Variants in ZFYVE28 observed in about 807,000 individuals in gnomAD.
ZFYVE28 encodes lateral signaling target protein 2 homolog.
In ZFYVE28, 40 loss-of-function variants were observed where a neutral mutation model predicts 82.1. That is an observed-to-expected ratio of 0.49 (90% confidence interval 0.38 to 0.63). The LOEUF (loss-of-function observed/expected upper bound fraction) is 0.63, where lower values mean the gene tolerates loss of function less well. Among genes scored for constraint, ZFYVE28 ranks in the 30% least tolerant of loss-of-function variants. The pLI is 0.00. For missense variants in ZFYVE28, 1,321 were observed against 1,242.1 expected (o/e 1.06, Z -0.96); for synonymous variants, 612 against 546.1 (o/e 1.12, Z -1.68).
Position 2,401,825 on chromosome 4 carries a change from G to C in ZFYVE28, c.39+16460C>G, listed in dbSNP as rs534947779. 5.9e-5 allele frequency among the ~76,000 whole-genome samples: 9 copies of C among 152,322 alleles called. No individual in the cohort carries two copies. In the East Asian group the frequency reaches 1.7e-3, roughly 29 times the overall value. ...AGCAGCAAAACCCTCGGGGGTCCCA[G>C]TGGTAGCGGGGGTCCCGGCCCAAGA... On this transcript the variant is annotated intron_variant, in intron 1 of 12. Transcript: ENST00000290974.
rs1343253080 is a variant in ZFYVE28, at chr4:2,337,466, G to A, written c.552C>T (p.Ser184=). The change falls in exon 5 of 13, where the codon TCC becomes TCT. Residue 184 remains serine (S), a synonymous_variant. Transcript: ENST00000290974. ...CCTGCTGCACGTAGTACTCCCTGGG[G>A]GACTTCACAGGCACCATGGCCGAGA... is the stretch of plus-strand genomic sequence containing the variant. ...SYVSAMVPVK[S]PREYYVQQEV... The A allele has an allele frequency of 6.2e-7, 1 of 1,610,018 alleles. No individual in the cohort carries two copies.
intron 1 of ZFYVE28, among the ~76,000 whole-genome samples, chr4:2,400,855 G>GTTAAA (rs1298732013): frequency 6.6e-6 from 1 of 152,082 alleles, no homozygotes; most frequent in Non-Finnish European, 1.5e-5. Flanking sequence ...TAACTCAAAT[G>GTTAAA]TTAACATCCT....
Position 2,274,230 on chromosome 4 carries a change from G to A in ZFYVE28, c.2052-14C>T, listed in dbSNP as rs1736190381. 1.2e-6 allele frequency: 2 copies of A among 1,609,206 alleles called. No individual in the cohort carries two copies. Among genetic ancestry groups the A allele is most frequent in the African/African-American group, 2.7e-5 (2 of 74,852 alleles). On this transcript the variant is annotated splice_polypyrimidine_tract_variant and intron_variant, in intron 8 of 12. Transcript: ENST00000290974. ...GCTGTGGAGCTGCTGCATGGAGAAGGAGATACCGGTGTGTGGGGTGGGGCA... is the reference window on the plus strand; with the variant it reads ...GCTGTGGAGCTGCTGCATGGAGAAGAAGATACCGGTGTGTGGGGTGGGGCA...
intron 8 of ZFYVE28, among the ~76,000 whole-genome samples, chr4:2,290,676 C>G (rs1293820590): frequency 1.3e-5 from 2 of 152,182 alleles, no homozygotes; most frequent in Non-Finnish European, 2.9e-5. Context: ...CTGGGACGGC[C>G]TCACCCCTCT....
intron 1 of ZFYVE28, among the ~76,000 whole-genome samples, chr4:2,413,405 C>T (rs1732720748): frequency 6.6e-6 from 1 of 152,222 alleles, no homozygotes; most frequent in Non-Finnish European, 1.5e-5. Context: ...GGGGGAGCCC[C>T]AGAGCCTTCT....
intron 10 of ZFYVE28, among the ~76,000 whole-genome samples, chr4:2,272,888 G>A (rs1172737246): frequency 6.6e-6 from 1 of 152,238 alleles, no homozygotes; most frequent in East Asian, 1.9e-4. Flanking sequence ...CACAAGCCAT[G>A]GGCCCTGGCC....
At chr4:2,385,970 C>T (rs115499714) in intron 1 of ZFYVE28, among the ~76,000 whole-genome samples, 55 of 152,330 alleles carry the variant, frequency 3.6e-4, no homozygotes, top group Non-Finnish European at 7.3e-4. Flanking sequence ...TCGCTCTCAT[C>T]CCAGGGCAGA....
chr4:2,296,248 CA>C (rs1395267406), intron 8 of ZFYVE28, among the ~76,000 whole-genome samples: 7 of 152,198 alleles, frequency 4.6e-5, no homozygotes, highest in African/African-American at 1.7e-4. Flanking sequence ...GGCCACCACT[CA>C]GGGCCTTGCA....
chr4:2,306,502 G>A (rs959114628), intron 7 of ZFYVE28, among the ~76,000 whole-genome samples: 1 of 152,174 alleles, frequency 6.6e-6, no homozygotes, highest in African/African-American at 2.4e-5. Context: ...CTTCTCTGAG[G>A]AAATGGGAAT....
intron 1 of ZFYVE28, among the ~76,000 whole-genome samples, chr4:2,395,095 C>G (rs1034122449): frequency 5.9e-5 from 9 of 152,192 alleles, no homozygotes; most frequent in Admixed American, 5.2e-4. Context: ...ACTGGCCATC[C>G]TCTCCTCAGT....
intron 1 of ZFYVE28, among the ~76,000 whole-genome samples, chr4:2,358,992 T>G (rs1725736918): frequency 6.7e-6 from 1 of 149,744 alleles, no homozygotes; most frequent in African/African-American, 2.5e-5. Context: ...TTTTTTTTTT[T>G]GAGACAGAGT....
Position 2,394,963 on chromosome 4 carries a change from T to G in ZFYVE28, c.39+23322A>C, listed in dbSNP as rs1245606359. On this transcript the variant is annotated intron_variant, in intron 1 of 12. Transcript: ENST00000290974. The surrounding 1 kb of genome is among the most constrained non-coding windows in gnomAD (Gnocchi z 4.0). ...ACTTCCCATTAAAAGTCCCACCACATTAAGCCAGGAGAAGCTTCTGTCTTC... is the reference window on the plus strand; with the variant it reads ...ACTTCCCATTAAAAGTCCCACCACAGTAAGCCAGGAGAAGCTTCTGTCTTC... 6.6e-6 allele frequency among the ~76,000 whole-genome samples: 1 copy of G among 152,246 alleles called. No individual in the cohort carries two copies. Among genetic ancestry groups the G allele is most frequent in the Non-Finnish European group, 1.5e-5 (1 of 68,034 alleles).
chr4:2,279,744 G>A (rs1015309580), intron 8 of ZFYVE28, among the ~76,000 whole-genome samples: 28 of 150,334 alleles, frequency 1.9e-4, no homozygotes, highest in Non-Finnish European at 3.2e-4. Context: ...TCATGCCACT[G>A]CACTCCAGCC....
At chr4:2,333,254 T>TC (rs1276113490) in intron 6 of ZFYVE28, among the ~76,000 whole-genome samples, 3 of 24,088 alleles carry the variant, frequency 1.2e-4, no homozygotes, top group Non-Finnish European at 2.5e-4. Flanking sequence ...CCCCCCACAC[T>TC]CCCCCACCTC....
At chr4:2,288,832 GAT>G (rs1713164299) in intron 8 of ZFYVE28, among the ~76,000 whole-genome samples, 1 of 152,032 alleles carries the variant, frequency 6.6e-6, no homozygotes, top group Non-Finnish European at 1.5e-5. Context: ...TAAAAAAAAA[GAT>G]AGCTGGGCAT....
intron 1 of ZFYVE28, among the ~76,000 whole-genome samples, chr4:2,387,512 C>T (rs1332011809): frequency 1.3e-5 from 2 of 152,172 alleles, no homozygotes; most frequent in Non-Finnish European, 2.9e-5. Flanking sequence ...CGAGCAGCTG[C>T]GGACACGGGA....
Position 2,404,710 on chromosome 4 carries a change from C to A in ZFYVE28, c.39+13575G>T, listed in dbSNP as rs1025570897. 2.0e-5 allele frequency among the ~76,000 whole-genome samples: 3 copies of A among 152,208 alleles called. No homozygotes were observed. The East Asian group carries it at 5.8e-4, about 29-fold the overall frequency. ...GTGAAGAGTGACTACATAATAGAAA[C>A]AGGGTGTTTATATGGGATGATGGAA... On this transcript the variant is annotated intron_variant, in intron 1 of 12. Coordinates refer to ENST00000290974, the MANE Select transcript of ZFYVE28 (RefSeq NM_020972.3).
rs758404075 is a variant in ZFYVE28 at position 2,270,816 on chromosome 4, G to A, written c.2573C>T (p.Pro858Leu). 12 of 1,612,950 alleles carry A rather than the reference G, an allele frequency of 7.4e-6. No homozygotes were observed. In the South Asian group the frequency reaches 7.7e-5, roughly 10 times the overall value. ...SRCSSHSAPL[P>L]RYGQVKPVRV... ...GACCGGCTTCACCTGCCCGTAGCGG[G>A]GCAGCGGTGCTGAGTGCGAGGAGCA... The change falls in exon 13 of 13, where the codon CCC becomes CTC. Residue 858 changes from proline (P) to leucine (L), a missense_variant. Pro to Leu is a moderately conservative substitution (Grantham distance 98). Around this residue, in one of 2 missense-constraint regions of ZFYVE28, gnomAD observed 978 missense variants for 833.7 expected, o/e 1.17. Coordinates refer to ENST00000290974, the MANE Select transcript of ZFYVE28 (RefSeq NM_020972.3).
At chr4:2,283,135 T>C (rs2108804615) in intron 8 of ZFYVE28, among the ~76,000 whole-genome samples, 2 of 67,124 alleles carry the variant, frequency 3.0e-5, no homozygotes, top group Middle Eastern at 8.1e-3. Flanking sequence ...CACTCATCCA[T>C]TTACCCATCC....
Sources: gnomAD v4.1 joint callset for allele counts (sites outside exome capture counted in the v4.1 genomes callset) on GRCh38, gnomAD v4.1.1 for gene constraint, gnomAD v4.1.1 regional missense constraint, Gnocchi (gnomAD v3.1) non-coding constraint, MANE v1.5 for transcripts, NCBI Gene and HGNC (gene_info 2026-07-23, HGNC 2026-07-21) for gene names.